Variants in FAM83B observed in about 807,000 individuals in gnomAD.
FAM83B encodes the protein protein FAM83B.
A neutral mutation model predicts 38.8 loss-of-function variants in FAM83B; 26 were observed. That is an observed-to-expected ratio of 0.67 (90% CI 0.49 to 0.93). FAM83B has a LOEUF of 0.93. Among genes scored for constraint, FAM83B ranks in the 40% least tolerant of loss-of-function variants. The pLI is 0.00. For synonymous variants in FAM83B, 419 were observed against 423.1 expected (o/e 0.99, Z 0.12); for missense variants, 1,237 against 1,197.3 (o/e 1.03, Z -0.49).
In FAM83B at chr6:54,942,756, G is replaced by A. The variant is rs1448380197; in HGVS notation, c.*749G>A. On this transcript the variant is annotated 3_prime_UTR_variant, in exon 5 of 5. Transcript: ENST00000306858. ...ATAGTCATTCCTTACTTCACATTTA[G>A]GACAAACCAGTAGGAATTTAGAAAA... Among the ~76,000 whole-genome samples, 9 of 144,746 alleles carry A rather than the reference G, an allele frequency of 6.2e-5. No individual in the cohort carries two copies. Among genetic ancestry groups the A allele is most frequent in the Admixed American group, 6.0e-4 (9 of 14,906 alleles). The allele number at this position is 144,746 out of a possible 152,430, so 95.0% of individuals were successfully genotyped here.
intron 2 of FAM83B, among the ~76,000 whole-genome samples, chr6:54,883,618 G>A (rs1772194563): frequency 6.6e-6 from 1 of 152,028 alleles, no homozygotes; most frequent in Non-Finnish European, 1.5e-5. Context: ...TTACAGGCGT[G>A]AGCCACCGCA....
intron 2 of FAM83B, among the ~76,000 whole-genome samples, chr6:54,885,401 AT>A (rs1772250727): frequency 6.6e-6 from 1 of 151,662 alleles, no homozygotes; most frequent in Non-Finnish European, 1.5e-5. Context: ...AAATATTTTA[AT>A]TTTTTGTCTT....
intron 2 of FAM83B, among the ~76,000 whole-genome samples, chr6:54,871,730 G>A (rs868757549): frequency 8.3e-5 from 9 of 107,910 alleles, no homozygotes; most frequent in African/African-American, 3.0e-4. Context: ...GTGACAGAGC[G>A]AGACCCTGTC....
chr6:54,886,453 AT>A (rs1288319061), intron 2 of FAM83B, among the ~76,000 whole-genome samples: 1 of 152,090 alleles, frequency 6.6e-6, no homozygotes, highest in African/African-American at 2.4e-5. Context: ...AATTTCTTCA[AT>A]AGGTCTAAGG....
At chr6:54,899,461 A>G (rs1196395807) in intron 2 of FAM83B, among the ~76,000 whole-genome samples, 2 of 152,144 alleles carry the variant, frequency 1.3e-5, no homozygotes, top group Non-Finnish European at 2.9e-5. Flanking sequence ...TGTTTTTGTC[A>G]GTGTCTTCAT....
At position 54,941,172 on chromosome 6, in the gene FAM83B, C is replaced by T. The variant is rs754709486; in HGVS notation, c.2201C>T (p.Thr734Ile). ...VTKRNSPSGT[T>I]TKSVSIAALL... ...AAGAGAAACTCTCCAAGTGGCACTA[C>T]TACCAAATCAGTTTCCATTGCTGCT... is the stretch of plus-strand genomic sequence containing the variant. Residue 734 changes from threonine (T) to isoleucine (I), a missense_variant, in exon 5 of 5, where the codon ACT becomes ATT. Physicochemically the swap from Thr to Ile is moderately conservative, Grantham distance 89. Transcript: ENST00000306858. 6.2e-7 allele frequency: 1 copy of T among 1,613,908 alleles called. No individual in the cohort carries two copies.
intron 2 of FAM83B, among the ~76,000 whole-genome samples, chr6:54,887,873 G>A (rs1772314210): frequency 6.6e-6 from 1 of 151,398 alleles, no homozygotes; most frequent in African/African-American, 2.4e-5. Context: ...GTATGATTAT[G>A]GTATGTTCCC....
intron 1 of FAM83B, among the ~76,000 whole-genome samples, chr6:54,853,191 T>G (rs1771351949): frequency 6.6e-6 from 1 of 152,158 alleles, no homozygotes; most frequent in African/African-American, 2.4e-5. Flanking sequence ...TCCTGAGGTT[T>G]AAGAAAAGAA....
At chr6:54,925,235 A>G (rs1277400056) in intron 2 of FAM83B, among the ~76,000 whole-genome samples, 1 of 152,192 alleles carries the variant, frequency 6.6e-6, no homozygotes, top group Non-Finnish European at 1.5e-5. Flanking sequence ...CTGAATTTCC[A>G]GGAACCCATG....
intron 4 of FAM83B, among the ~76,000 whole-genome samples, chr6:54,937,807 C>T (rs879397268): frequency 2.6e-5 from 4 of 152,082 alleles, no homozygotes; most frequent in Non-Finnish European, 5.9e-5. Flanking sequence ...AATATAATAT[C>T]AGTTTTTATG....
intron 2 of FAM83B, among the ~76,000 whole-genome samples, chr6:54,919,224 G>C (rs1310486287): frequency 6.6e-6 from 1 of 151,962 alleles, no homozygotes; most frequent in African/African-American, 2.4e-5. Flanking sequence ...CCTTATTAGA[G>C]CAAAAGTTCC....
In FAM83B at chr6:54,926,547, G is replaced by GTTT; in HGVS notation, c.609+20_609+22dup. On this transcript the variant is annotated intron_variant, in intron 3 of 4. Coordinates refer to ENST00000306858, the MANE Select transcript of FAM83B (RefSeq NM_001010872.3). ...TTCAGCGTCTCAGGGTAAGAATTCT[G>GTTT]TTTTTTTTTTCCTCAAGTATTTTAT... 4 of 1,370,512 alleles carry GTTT rather than the reference G, an allele frequency of 2.9e-6. No individual in the cohort carries two copies. The highest frequency in any genetic ancestry group is 1.6e-5 in the South Asian group (1 of 63,734). 84.9% of individuals were successfully genotyped at this position (1,370,512 alleles called of 1,614,324 possible).
chr6:54,870,642 A>G lies in FAM83B; in HGVS notation c.396A>G (p.Leu132=). The G allele has an allele frequency of 6.2e-7, 1 of 1,611,512 alleles. No individual in the cohort carries two copies. Among genetic ancestry groups the G allele is most frequent in the Non-Finnish European group, 8.5e-7 (1 of 1,179,054 alleles). The part of the protein sequence containing the change: ...DLLFHPPRAH[L]LTIKETIRKM... The stretch of plus-strand genomic sequence containing the variant: ...TTTTTCATCCACCAAGAGCACATCT[A>G]CTTACGATAAAAGAAACTATTCGGA... Residue 132 remains leucine (L), a synonymous_variant, in exon 2 of 5, where the codon CTA becomes CTG. Transcript: ENST00000306858.
chr6:54,898,503 C>T (rs1404650463), intron 2 of FAM83B, among the ~76,000 whole-genome samples: 1 of 152,148 alleles, frequency 6.6e-6, no homozygotes, highest in Non-Finnish European at 1.5e-5. Context: ...AGTTCATGAA[C>T]ATCGTCTTCT....
At chr6:54,846,334 C>A (rs562467236), upstream of FAM83B, among the ~76,000 whole-genome samples, 15 of 152,268 alleles carry the variant, frequency 9.9e-5, no homozygotes, top group Middle Eastern at 3.4e-3. Flanking sequence ...CTCCTCCAGG[C>A]ATTCTTGAGC....
chr6:54,853,569 T>C (rs2127571566), intron 1 of FAM83B, among the ~76,000 whole-genome samples: 1 of 152,210 alleles, frequency 6.6e-6, no homozygotes, highest in African/African-American at 2.4e-5. Flanking sequence ...ACAACAAAGC[T>C]CAGATGAGAG....
chr6:54,847,491 A>G (rs1438254832), intron 1 of FAM83B, among the ~76,000 whole-genome samples: 4 of 152,112 alleles, frequency 2.6e-5, no homozygotes, highest in Admixed American at 2.6e-4. Flanking sequence ...GCTCTCCAGG[A>G]GAGCCTGTAC....
intron 2 of FAM83B, among the ~76,000 whole-genome samples, chr6:54,881,171 T>A (rs1003996644): frequency 2.0e-5 from 3 of 152,200 alleles, no homozygotes; most frequent in Non-Finnish European, 4.4e-5. Context: ...CAGTCTGCTT[T>A]TGAGAGCATG....
intron 2 of FAM83B, among the ~76,000 whole-genome samples, chr6:54,885,214 A>G (rs916224095): frequency 1.4e-4 from 22 of 152,160 alleles, no homozygotes; most frequent in Non-Finnish European, 2.1e-4. Flanking sequence ...TTTATAGAAC[A>G]GTGTGAGTAG....
Sources: allele counts gnomAD v4.1 joint callset (sites outside exome capture counted in the v4.1 genomes callset), GRCh38; gene constraint gnomAD v4.1.1; transcripts MANE v1.5; gene names NCBI Gene and HGNC (gene_info 2026-07-23, HGNC 2026-07-21).